SVIL: variants seen among roughly 807,000 people sequenced by gnomAD.
SVIL encodes the protein supervillin, also known as archvillin.
SVIL carries 101 observed loss-of-function variants against 240.4 expected under a neutral mutation model. The ratio of observed to expected loss-of-function variants is 0.42; its 90% CI spans 0.36 to 0.50. The LOEUF (loss-of-function observed/expected upper bound fraction) is 0.50. SVIL is among the 20% of genes least tolerant of loss of function. SVIL has a pLI of 0.01. For synonymous variants in SVIL, 999 were observed against 1,100.0 expected (o/e 0.91, Z 1.82); for missense variants, 2,512 against 2,818.7 (o/e 0.89, Z 2.46).
At chr10:29,627,037 GAAAATAAAATAAAAT>G (rs142035627) in intron 1 of SVIL, among the ~76,000 whole-genome samples, 1 of 150,890 alleles carries the variant, frequency 6.6e-6, no homozygotes, top group Non-Finnish European at 1.5e-5. Flanking sequence ...AAAATAAAAT[GAAAATAAAATAAAAT>G]AAAATAAAAT....
rs542670549 is a variant in SVIL at position 29,700,426 on chromosome 10, C to T, written c.-399-13775G>A. ...TTGGGCACACTGCTCAGTGACTCCC[C>T]TCCCATAGCTTATAACACAGAGAAG... On this transcript the variant is annotated intron_variant, in intron 1 of 35. Coordinates refer to the SVIL transcript ENST00000375400. 9.2e-5 allele frequency among the ~76,000 whole-genome samples: 14 copies of T among 151,878 alleles called. No individual in the cohort carries two copies. In the East Asian group the frequency reaches 2.3e-3, roughly 25 times the overall value.
intron 1 of SVIL, among the ~76,000 whole-genome samples, chr10:29,585,569 GACA>G (rs540263286): frequency 1.3e-4 from 20 of 152,258 alleles, no homozygotes; most frequent in African/African-American, 4.6e-4. Flanking sequence ...ATGAAAAGAA[GACA>G]ACGAGGACAC....
intron 2 of SVIL, among the ~76,000 whole-genome samples, chr10:29,566,448 T>A (rs12768540): frequency 0.066 from 10,037 of 152,206 alleles, 382 homozygotes; most frequent in Admixed American, 0.12. Flanking sequence ...GCAGGCAGAC[T>A]GGGCTGGAAA....
At chr10:29,728,337 A>T (rs1487035489) in intron 1 of SVIL, among the ~76,000 whole-genome samples, 1 of 152,230 alleles carries the variant, frequency 6.6e-6, no homozygotes, top group Non-Finnish European at 1.5e-5. Context: ...AGCCAAAATA[A>T]ATTTCAAACA....
At chr10:29,697,669 A>G (rs1962193306) in intron 1 of SVIL, among the ~76,000 whole-genome samples, 1 of 120,476 alleles carries the variant, frequency 8.3e-6, no homozygotes, top group Non-Finnish European at 1.7e-5. Flanking sequence ...ACCCAGGGAC[A>G]CAAACACTCT....
intron 1 of SVIL, among the ~76,000 whole-genome samples, chr10:29,594,550 AT>A (rs1041779043): frequency 3.0e-5 from 4 of 134,042 alleles, no homozygotes; most frequent in African/African-American, 1.1e-4. Flanking sequence ...TACCTTCTTA[AT>A]TTTTTTTCTT....
chr10:29,492,050 A>G (rs1306513246), intron 21 of SVIL, among the ~76,000 whole-genome samples: 3 of 152,130 alleles, frequency 2.0e-5, no homozygotes, highest in Non-Finnish European at 2.9e-5. Context: ...GAGCAGATGG[A>G]TGTGGTGGAT....
intron 2 of SVIL, among the ~76,000 whole-genome samples, chr10:29,678,493 C>T (rs1374283840): frequency 1.3e-5 from 2 of 152,158 alleles, no homozygotes; most frequent in African/African-American, 2.4e-5. Flanking sequence ...AAGTTTCACT[C>T]GTTCACCTGC....
intron 1 of SVIL, among the ~76,000 whole-genome samples, chr10:29,624,682 T>A (rs563112846): frequency 1.1e-4 from 17 of 151,910 alleles, no homozygotes; most frequent in Admixed American, 7.9e-4. Flanking sequence ...AAAAAAAAAA[T>A]GAGCTCATTA....
At chr10:29,637,382 G>A (rs541901085), upstream of SVIL, among the ~76,000 whole-genome samples, 116 of 152,240 alleles carry the variant, frequency 7.6e-4, no homozygotes, top group South Asian at 3.1e-3. Context: ...AGTTACTAGG[G>A]AGGCTAAGGC....
chr10:29,517,425 C>G (rs1950281378), intron 16 of SVIL, among the ~76,000 whole-genome samples: 1 of 151,432 alleles, frequency 6.6e-6, no homozygotes, highest in South Asian at 2.1e-4. Context: ...AAGACCCTGT[C>G]TAGAAAAATA....
At chr10:29,682,611 A>C (rs1039331506) in intron 2 of SVIL, among the ~76,000 whole-genome samples, 33 of 152,240 alleles carry the variant, frequency 2.2e-4, no homozygotes, top group Non-Finnish European at 2.9e-5. Context: ...GAAACATGCA[A>C]AGGACAAAAT....
At chr10:29,707,720 T>C (rs1012445268) in intron 1 of SVIL, among the ~76,000 whole-genome samples, 8 of 152,200 alleles carry the variant, frequency 5.3e-5, no homozygotes, top group Admixed American at 3.9e-4. Context: ...GTGGTATGTT[T>C]ACAAATAATA....
chr10:29,541,927 A>C (rs1406065896), intron 6 of SVIL, among the ~76,000 whole-genome samples: 1 of 152,190 alleles, frequency 6.6e-6, no homozygotes, highest in Admixed American at 6.5e-5. Context: ...CAAGAACCCC[A>C]ATCCCAGACA....
intron 1 of SVIL, among the ~76,000 whole-genome samples, chr10:29,613,449 C>G (rs1170307773): frequency 6.6e-6 from 1 of 152,064 alleles, no homozygotes; most frequent in African/African-American, 2.4e-5. Context: ...GCTTCTGCCT[C>G]AGCCTTGCAA....
At chr10:29,718,151 T>C (rs1963744557) in intron 1 of SVIL, among the ~76,000 whole-genome samples, 4 of 151,606 alleles carry the variant, frequency 2.6e-5, no homozygotes, top group Non-Finnish European at 5.9e-5. Context: ...CATGGTGAAA[T>C]CCCGTTTCTA....
At chr10:29,595,728 C>G (rs1353835171) in intron 1 of SVIL, among the ~76,000 whole-genome samples, 2 of 152,176 alleles carry the variant, frequency 1.3e-5, no homozygotes, top group Non-Finnish European at 2.9e-5. Context: ...ATCGTCCAAG[C>G]AGGCAACGCG....
At position 29,735,156 on chromosome 10, in the gene SVIL, ACG is replaced by A. The variant is rs1780096134; in HGVS notation, c.-400+593_-400+594del. 6.6e-6 allele frequency among the ~76,000 whole-genome samples: 1 copy of A among 151,960 alleles called. No homozygotes were observed. Among genetic ancestry groups the A allele is most frequent in the Non-Finnish European group, 1.5e-5 (1 of 67,966 alleles). On this transcript the variant is annotated intron_variant, in intron 1 of 35. Transcript: ENST00000375400. This position sits in a 1 kb window ranked among gnomAD's most constrained non-coding sequence, Gnocchi z 4.1. ...AAACCACTCCCTTCGGGGAGCCCGC[ACG>A]CGCGCAGAAACGTGGGCAGCTGGGG... is the stretch of plus-strand genomic sequence containing the variant.
chr10:29,689,030 A>C (rs1961298690), intron 1 of SVIL, among the ~76,000 whole-genome samples: 1 of 152,158 alleles, frequency 6.6e-6, no homozygotes, highest in South Asian at 2.1e-4. Context: ...ATACAGTGCA[A>C]ATAAACTAAA....
Sources: gnomAD v4.1 joint callset for allele counts (sites outside exome capture counted in the v4.1 genomes callset) on GRCh38, gnomAD v4.1.1 for gene constraint, Gnocchi (gnomAD v3.1) non-coding constraint, MANE v1.5 for transcripts, NCBI Gene and HGNC (gene_info 2026-07-23, HGNC 2026-07-21) for gene names.